MIPOL1: variants seen among roughly 807,000 people sequenced by gnomAD.
The protein encoded by MIPOL1 is mirror-image polydactyly gene 1 protein.
MIPOL1 carries 57 observed loss-of-function variants against 60.9 expected under a neutral mutation model. That is an observed-to-expected ratio of 0.94 (90% CI 0.76 to 1.17). MIPOL1 has a LOEUF of 1.17. MIPOL1 is among the 50% of genes most tolerant of loss of function. The pLI is 0.00. For missense variants in MIPOL1, 551 were observed against 511.6 expected (o/e 1.08, Z -0.74); for synonymous variants, 179 against 168.8 (o/e 1.06, Z -0.47).
chr14:37,335,504 T>TA (rs2090040807), intron 9 of MIPOL1, among the ~76,000 whole-genome samples: 1 of 152,112 alleles, frequency 6.6e-6, no homozygotes, highest in African/African-American at 2.4e-5. Context: ...GGTGGAATCA[T>TA]ACAGTGTTTG....
intron 11 of MIPOL1, among the ~76,000 whole-genome samples, chr14:37,445,369 C>T (rs1457763157): frequency 3.9e-5 from 6 of 152,158 alleles, no homozygotes; most frequent in Non-Finnish European, 7.4e-5. Context: ...TTACAAGGGA[C>T]ATGAAGGACC....
At chr14:37,388,421 T>C (rs1391106468) in intron 10 of MIPOL1, among the ~76,000 whole-genome samples, 1 of 151,820 alleles carries the variant, frequency 6.6e-6, no homozygotes, top group Admixed American at 6.6e-5. Flanking sequence ...AAACTTATCG[T>C]TCACATAGTT....
intron 1 of MIPOL1, among the ~76,000 whole-genome samples, chr14:37,216,975 A>G (rs968287464): frequency 3.3e-5 from 5 of 152,160 alleles, no homozygotes; most frequent in African/African-American, 4.8e-5. Context: ...CAAACAACCA[A>G]TAAAACAATA....
chr14:37,495,386 T>A (rs2153609415), intron 11 of MIPOL1, among the ~76,000 whole-genome samples: 1 of 149,302 alleles, frequency 6.7e-6, no homozygotes, highest in Non-Finnish European at 1.5e-5. Flanking sequence ...CGGTGTTTGG[T>A]TTTTTGTTCT....
intron 11 of MIPOL1, among the ~76,000 whole-genome samples, chr14:37,450,527 AT>A (rs543345684): frequency 4.0e-5 from 6 of 151,728 alleles, no homozygotes; most frequent in Admixed American, 2.6e-4. Flanking sequence ...TTTAATCTCA[AT>A]TTTTTTTCAT....
chr14:37,314,219 A>G (rs2087641775), intron 9 of MIPOL1, among the ~76,000 whole-genome samples: 1 of 152,186 alleles, frequency 6.6e-6, no homozygotes, highest in Non-Finnish European at 1.5e-5. Context: ...TTTTTTATCA[A>G]ATATTGTAAT....
At chr14:37,349,337 A>C (rs1180070641) in intron 9 of MIPOL1, among the ~76,000 whole-genome samples, 1 of 152,084 alleles carries the variant, frequency 6.6e-6, no homozygotes, top group South Asian at 2.1e-4. Context: ...GTAATGTCAA[A>C]CAAATTATGT....
intron 11 of MIPOL1, among the ~76,000 whole-genome samples, chr14:37,448,020 G>C (rs1010758903): frequency 6.6e-6 from 1 of 152,110 alleles, no homozygotes. Context: ...AGCAGAAAGA[G>C]TGCATACTTT....
intron 11 of MIPOL1, among the ~76,000 whole-genome samples, chr14:37,481,559 CAACACA>C (rs1938804171): frequency 3.3e-5 from 2 of 61,186 alleles, no homozygotes; most frequent in Non-Finnish European, 3.3e-5. Flanking sequence ...GGACCCCCCC[CAACACA>C]CACACACACA....
chr14:37,463,823 C>T (rs2094567526), intron 11 of MIPOL1, among the ~76,000 whole-genome samples: 1 of 152,202 alleles, frequency 6.6e-6, no homozygotes, highest in Admixed American at 6.5e-5. Context: ...AAACTGACAA[C>T]CTACAGAAGA....
At chr14:37,424,631 AT>A (rs1340421177) in intron 11 of MIPOL1, among the ~76,000 whole-genome samples, 2 of 152,208 alleles carry the variant, frequency 1.3e-5, no homozygotes, top group Non-Finnish European at 2.9e-5. Context: ...TTGGAAACTA[AT>A]GCAGTTATCA....
intron 10 of MIPOL1, among the ~76,000 whole-genome samples, chr14:37,389,113 C>T (rs948539872): frequency 6.6e-6 from 1 of 151,928 alleles, no homozygotes; most frequent in African/African-American, 2.4e-5. Flanking sequence ...ATACTGACCG[C>T]CTTAGGACAA....
chr14:37,226,045 C>G (rs963999634), intron 1 of MIPOL1, among the ~76,000 whole-genome samples: 1 of 152,194 alleles, frequency 6.6e-6, no homozygotes, highest in Non-Finnish European at 1.5e-5. Flanking sequence ...TTTCTCATTT[C>G]CATCTGAGAC....
At chr14:37,325,335 C>T (rs1354777843) in intron 9 of MIPOL1, among the ~76,000 whole-genome samples, 1 of 152,030 alleles carries the variant, frequency 6.6e-6, no homozygotes, top group Admixed American at 6.6e-5. Context: ...CAATTTCCTT[C>T]AAAGAAATTA....
At chr14:37,399,522 A>G (rs2093441819) in intron 10 of MIPOL1, among the ~76,000 whole-genome samples, 1 of 152,110 alleles carries the variant, frequency 6.6e-6, no homozygotes, top group Non-Finnish European at 1.5e-5. Flanking sequence ...CATTTTCATT[A>G]TCTGAGCTCT....
At chr14:37,462,239 C>T (rs1013390846) in intron 11 of MIPOL1, among the ~76,000 whole-genome samples, 1 of 152,240 alleles carries the variant, frequency 6.6e-6, no homozygotes, top group Non-Finnish European at 1.5e-5. Flanking sequence ...GGCTTGCACC[C>T]TCTGAAGCCA....
chr14:37,503,036 A>T (rs2095236925), intron 12 of MIPOL1: 1 of 152,236 alleles, frequency 6.6e-6, no homozygotes. Flanking sequence ...ATTGAAGATC[A>T]AATTAATGAA....
chr14:37,375,709 T>A (rs2092758056), intron 10 of MIPOL1, among the ~76,000 whole-genome samples: 1 of 152,024 alleles, frequency 6.6e-6, no homozygotes, highest in Non-Finnish European at 1.5e-5. Flanking sequence ...ACACACTAGT[T>A]TTCTTTCCTT....
intron 9 of MIPOL1, among the ~76,000 whole-genome samples, chr14:37,358,460 A>G (rs552963141): frequency 1.3e-5 from 2 of 152,320 alleles, no homozygotes; most frequent in Admixed American, 1.3e-4. Flanking sequence ...CACCAAGTGT[A>G]AAAGCGTTCC....
Sources: gnomAD v4.1 joint callset for allele counts (sites outside exome capture counted in the v4.1 genomes callset) on GRCh38, gnomAD v4.1.1 for gene constraint, MANE v1.5 for transcripts, NCBI Gene and HGNC (gene_info 2026-07-23, HGNC 2026-07-21) for gene names.